The following PNPLA7 variants were observed in gnomAD, a reference collection of about 807,000 sequenced individuals.
PNPLA7 encodes the protein patatin-like phospholipase domain-containing protein 7.
A neutral mutation model predicts 161.7 loss-of-function variants in PNPLA7; 153 were observed. The observed-to-expected ratio is 0.95, with a 90% CI of 0.83 to 1.08. The LOEUF is 1.08. Among genes scored for constraint, PNPLA7 ranks in the 50% least tolerant of loss-of-function variants. The pLI is 0.00. For synonymous variants in PNPLA7, 809 were observed against 782.1 expected, an observed-to-expected ratio of 1.03 and a Z score of -0.57; for missense variants, 1,739 against 1,856.6, an observed-to-expected ratio of 0.94 and a Z score of 1.16.
At position 137,522,829 on chromosome 9, in the gene PNPLA7, G is replaced by T. The variant is rs747060615; in HGVS notation, c.776C>A (p.Ser259Tyr). ...GGTGGACGGGATGGCCGCGCGGACGGAGACCGTTTTGTAAGGTGCAGCATG... is the reference window on the plus strand; with the variant it reads ...GGTGGACGGGATGGCCGCGCGGACGTAGACCGTTTTGTAAGGTGCAGCATG... ...TGHAAPYKTV[S>Y]VRAAIPSTIL... Residue 259 changes from serine (S) to tyrosine (Y), a missense_variant, in exon 9 of 35, where the codon TCC (serine) becomes TAC (tyrosine). By Grantham distance (144) the Ser-to-Tyr change is moderately radical. Coordinates refer to ENST00000406427, the MANE Select transcript of PNPLA7 (RefSeq NM_001098537.3). 2 of 1,613,564 alleles carry T rather than the reference G, an allele frequency of 1.2e-6. No homozygotes were observed. The highest frequency in any genetic ancestry group is 2.7e-5 in the African/African-American group (2 of 74,934).
Position 137,522,819 on chromosome 9 carries a change from C to G in PNPLA7, c.786G>C (p.Ala262=). 2 of 1,613,700 alleles carry G rather than the reference C, an allele frequency of 1.2e-6. No individual in the cohort carries two copies. Among genetic ancestry groups the G allele is most frequent in the Non-Finnish European group, 1.7e-6 (2 of 1,179,946 alleles). The change falls in exon 9 of 35, where the codon GCG becomes GCC. Residue 262 remains alanine, a synonymous_variant. Transcript: ENST00000406427. ...GCCGGAGGATGGTGGACGGGATGGC[C>G]GCGCGGACGGAGACCGTTTTGTAAG... ...AAPYKTVSVR[A]AIPSTILRLP...
chr9:137,542,630 C>G lies in PNPLA7; in HGVS notation c.666+12G>C, dbSNP rs768731541. ...CAGCCGCCTGACCCCGCCCCGCCGC[C>G]CTGCGACTCACAGTGTCCTGGATGC... On this transcript the variant is annotated intron_variant, in intron 7 of 34. Transcript: ENST00000406427. 1.9e-6 allele frequency: 3 copies of G among 1,579,356 alleles called. No homozygotes were observed. The highest frequency in any genetic ancestry group is 2.6e-6 in the Non-Finnish European group (3 of 1,156,498).
intron 26 of PNPLA7, among the ~76,000 whole-genome samples, chr9:137,465,303 G>A (rs1478951509): frequency 6.6e-6 from 1 of 152,164 alleles, no homozygotes; most frequent in Non-Finnish European, 1.5e-5. Context: ...TCAGCATGAG[G>A]GGCAGGCACA....
In PNPLA7 at chr9:137,524,033, T is replaced by C. The variant is rs185267513; in HGVS notation, c.748-1176A>G. ...AGATTCACCCTTTTTGGTGCACACCTCTAGCATTTTCACCCCCACCACAGA... is the reference window on the plus strand; with the variant it reads ...AGATTCACCCTTTTTGGTGCACACCCCTAGCATTTTCACCCCCACCACAGA... On this transcript the variant is annotated intron_variant, in intron 8 of 34. Coordinates refer to ENST00000406427, the MANE Select transcript of PNPLA7 (RefSeq NM_001098537.3). The surrounding 1 kb of genome is among the most constrained non-coding windows in gnomAD (Gnocchi z 4.4). Among the ~76,000 whole-genome samples the C allele has an allele frequency of 6.6e-6, 1 of 152,306 alleles. No homozygotes were observed. The highest frequency in any genetic ancestry group is 2.4e-5 in the African/African-American group (1 of 41,558).
intron 21 of PNPLA7, among the ~76,000 whole-genome samples, chr9:137,483,107 A>G (rs776530526): frequency 3.3e-5 from 5 of 152,176 alleles, no homozygotes; most frequent in Admixed American, 6.5e-5. Flanking sequence ...CCTGACCTCA[A>G]GTGATCCTCC....
Position 137,499,177 on chromosome 9 carries a change from C to T in PNPLA7, c.1758-932G>A, listed in dbSNP as rs1012250265. ...AGACACTCGCAGACACACGGACACA[C>T]GGAGACACACGGACACAGGCAGACA... On this transcript the variant is annotated intron_variant, in intron 16 of 34. Transcript: ENST00000406427. The surrounding 1 kb of genome is among the most constrained non-coding windows in gnomAD (Gnocchi z 5.5). 3.3e-5 allele frequency among the ~76,000 whole-genome samples: 5 copies of T among 150,828 alleles called. No individual in the cohort carries two copies. The highest frequency in any genetic ancestry group is 7.3e-5 in the African/African-American group (3 of 40,980).
Position 137,510,789 on chromosome 9 carries a change from G to T in PNPLA7, c.1225+4590C>A, listed in dbSNP as rs1012697338. On this transcript the variant is annotated intron_variant, in intron 12 of 34. Coordinates refer to ENST00000406427, the MANE Select transcript of PNPLA7 (RefSeq NM_001098537.3). ...CCCTACAGGTGTCAGTGCCTGAAAC[G>T]CCACCAGGCAGTGCCCCCGTGTGGG... 5.3e-5 allele frequency among the ~76,000 whole-genome samples: 8 copies of T among 152,326 alleles called. No homozygotes were observed. In the South Asian group the frequency reaches 1.7e-3, roughly 32 times the overall value.
intron 11 of PNPLA7, chr9:137,516,405 C>A: frequency 2.0e-6 from 2 of 985,126 alleles, no homozygotes; most frequent in Non-Finnish European, 2.4e-6. Flanking sequence ...ATGAGCACCC[C>A]CGGCCCTGGT....
In PNPLA7 at chr9:137,540,517, G is replaced by A; in HGVS notation, c.747+125C>T. The stretch of plus-strand genomic sequence containing the variant: ...TTCCCTCCTTCCTGGACCAAACCCT[G>A]CTCCCCTCACATCACTGTGGAGAAC... On this transcript the variant is annotated intron_variant, in intron 8 of 34. Transcript: ENST00000406427. The surrounding 1 kb of genome is among the most constrained non-coding windows in gnomAD (Gnocchi z 5.1). 1 of 835,510 alleles carries A rather than the reference G, an allele frequency of 1.2e-6. No homozygotes were observed. The highest frequency in any genetic ancestry group is 1.7e-5 in the African/African-American group (1 of 59,028). 51.8% of individuals were successfully genotyped at this position (835,510 alleles called of 1,614,324 possible). A position where few individuals can be genotyped will look rare whatever the true frequency, so the allele number is the denominator to read the frequency against.
chr9:137,460,776 G>T, intron 33 of PNPLA7, 39 bp from the exon 34 acceptor site: 1 of 1,567,406 alleles, frequency 6.4e-7, no homozygotes, highest in Non-Finnish European at 8.7e-7. Flanking sequence ...CCCCTCCCAA[G>T]GAAGGGACCG....
Position 137,462,160 on chromosome 9 carries a change from G to A in PNPLA7, c.3645+19C>T, listed in dbSNP as rs1313996573. ...AGTGCCTCCGCCCGCCTCCGCCGCC[G>A]CGGGTGGCCGGCACTCACGCAGATC... On this transcript the variant is annotated intron_variant, in intron 31 of 34. Coordinates refer to ENST00000406427, the MANE Select transcript of PNPLA7 (RefSeq NM_001098537.3). 1.9e-6 allele frequency: 3 copies of A among 1,552,912 alleles called. No homozygotes were observed. Among genetic ancestry groups the A allele is most frequent in the African/African-American group, 1.4e-5 (1 of 73,326 alleles).
chr9:137,489,077 C>G (rs1388648560), intron 20 of PNPLA7, among the ~76,000 whole-genome samples: 2 of 151,324 alleles, frequency 1.3e-5, no homozygotes, highest in Non-Finnish European at 3.0e-5. Flanking sequence ...TGTGCACCCC[C>G]TGACCAGCAG....
intron 21 of PNPLA7, among the ~76,000 whole-genome samples, chr9:137,482,565 C>A (rs1459363473): frequency 6.6e-6 from 1 of 152,276 alleles, no homozygotes; most frequent in Non-Finnish European, 1.5e-5. Flanking sequence ...GGGCTGCCGG[C>A]AAGCCGGGGT....
intron 8 of PNPLA7, among the ~76,000 whole-genome samples, chr9:137,528,991 C>T (rs1027835265): frequency 3.9e-5 from 6 of 152,166 alleles, no homozygotes; most frequent in African/African-American, 7.2e-5. Context: ...TGAGCCACCG[C>T]GCCCGGCCTT....
At chr9:137,548,111 G>A (rs566267717) in intron 1 of PNPLA7, among the ~76,000 whole-genome samples, 2 of 152,352 alleles carry the variant, frequency 1.3e-5, no homozygotes, top group South Asian at 4.1e-4. Context: ...GGCCGAGAAG[G>A]CTCTGTGTCC....
Position 137,505,559 on chromosome 9 carries a change from G to A in PNPLA7, c.1473+55C>T, listed in dbSNP as rs1833868641. 3.1e-6 allele frequency: 5 copies of A among 1,599,224 alleles called. No homozygotes were observed. The East Asian group carries it at 9.0e-5, about 29-fold the overall frequency. ...AACCACTGCCCAACAGAGGCAGAGA[G>A]GAGGCCACGGGCCCTGGGTGGGACA... is the stretch of plus-strand genomic sequence containing the variant. On this transcript the variant is annotated intron_variant, in intron 14 of 34. Coordinates refer to ENST00000406427, the MANE Select transcript of PNPLA7 (RefSeq NM_001098537.3).
At chr9:137,473,841 A>G (rs1831820913) in intron 25 of PNPLA7, among the ~76,000 whole-genome samples, 1 of 152,210 alleles carries the variant, frequency 6.6e-6, no homozygotes, top group African/African-American at 2.4e-5. Flanking sequence ...ACTCTCAGAC[A>G]TTGCTGGTGG....
rs187809088 is a variant in PNPLA7 at position 137,539,392 on chromosome 9, C to T, written c.747+1250G>A. Among the ~76,000 whole-genome samples, 16 of 152,252 alleles carry T rather than the reference C, an allele frequency of 1.1e-4. No homozygotes were observed. The East Asian group carries it at 2.9e-3, about 28-fold the overall frequency. On this transcript the variant is annotated intron_variant, in intron 8 of 34. Coordinates refer to ENST00000406427, the MANE Select transcript of PNPLA7 (RefSeq NM_001098537.3). The stretch of plus-strand genomic sequence containing the variant: ...AAACAAAAAAACTTCTAGTTAATGG[C>T]TTGGCATGATGGCTTATGCCTGTAA...
rs1014150300 is a variant in PNPLA7, at chr9:137,523,877, A to G, written c.748-1020T>C. Among the ~76,000 whole-genome samples, 3 of 151,824 alleles carry G rather than the reference A, an allele frequency of 2.0e-5. No individual in the cohort carries two copies. The highest frequency in any genetic ancestry group is 2.4e-5 in the African/African-American group (1 of 41,328). ...GATCTCCTGACCTCGTGATCCGCCCACCTCGGCCTCCCAAAGTGCTGGGAT... is the reference window on the plus strand; with the variant it reads ...GATCTCCTGACCTCGTGATCCGCCCGCCTCGGCCTCCCAAAGTGCTGGGAT... On this transcript the variant is annotated intron_variant, in intron 8 of 34. Coordinates refer to ENST00000406427, the MANE Select transcript of PNPLA7 (RefSeq NM_001098537.3). This position sits in a 1 kb window ranked among gnomAD's most constrained non-coding sequence, Gnocchi z 4.4.
Sources: allele counts gnomAD v4.1 joint callset (sites outside exome capture counted in the v4.1 genomes callset), GRCh38; gene constraint gnomAD v4.1.1; non-coding constraint Gnocchi (gnomAD v3.1); transcripts MANE v1.5; gene names NCBI Gene and HGNC (gene_info 2026-07-23, HGNC 2026-07-21).